The following ACSF3 variants were observed in gnomAD, a reference collection of about 807,000 sequenced individuals.
ACSF3 encodes the protein malonate--CoA ligase ACSF3, mitochondrial.
A neutral mutation model predicts 53.2 loss-of-function variants in ACSF3; 78 were observed. The observed-to-expected ratio is 1.47, with a 90% CI of 1.22 to 1.77. ACSF3 has a LOEUF of 1.77. ACSF3 is among the 40% of genes most tolerant of loss of function. The pLI, the probability that ACSF3 is intolerant of heterozygous loss-of-function variation, is 0.00. For missense variants in ACSF3, 937 were observed against 771.1 expected (o/e 1.22, Z -2.55); for synonymous variants, 414 against 333.1 (o/e 1.24, Z -2.65).
chr16:89,153,746 C>T (rs941557825), intron 10 of ACSF3: 14 of 373,870 alleles, frequency 3.7e-5, no homozygotes, highest in Admixed American at 2.7e-4. Flanking sequence ...AGCTCCAGTG[C>T]GGGGACTTGG....
intron 7 of ACSF3, among the ~76,000 whole-genome samples, chr16:89,121,241 C>T (rs1269499460): frequency 6.6e-6 from 1 of 152,244 alleles, no homozygotes; most frequent in Non-Finnish European, 1.5e-5. Context: ...ATGGCCTTGG[C>T]TAAGCGGAAG....
At chr16:89,118,103 A>C (rs1243405899) in intron 6 of ACSF3, among the ~76,000 whole-genome samples, 1 of 149,094 alleles carries the variant, frequency 6.7e-6, no homozygotes, top group African/African-American at 2.5e-5. Flanking sequence ...TCTCTAAGGC[A>C]GAGCCCACGG....
intron 8 of ACSF3, among the ~76,000 whole-genome samples, 158 bp downstream of exon 8, chr16:89,133,420 C>T (rs1467916343): frequency 6.6e-6 from 1 of 152,186 alleles, no homozygotes; most frequent in African/African-American, 2.4e-5. Context: ...TGTTACGGCA[C>T]TGCCTCCTGA....
chr16:89,129,338 T>C (rs1044016167), intron 7 of ACSF3, among the ~76,000 whole-genome samples: 1 of 152,234 alleles, frequency 6.6e-6, no homozygotes, highest in African/African-American at 2.4e-5. Flanking sequence ...ACATTTATAA[T>C]GATTGTGTCT....
intron 5 of ACSF3, chr16:89,113,932 C>A (rs973494740): frequency 5.9e-6 from 2 of 337,964 alleles, no homozygotes; most frequent in Non-Finnish European, 1.2e-5. Context: ...ATGTGCCTGG[C>A]CGCAGCCTGC....
chr16:89,145,791 C>T (rs868384374), intron 9 of ACSF3, 147 bp from the exon 10 acceptor site: 11 of 791,654 alleles, frequency 1.4e-5, no homozygotes, highest in East Asian at 1.2e-4. Flanking sequence ...CAGCCAGCAC[C>T]AGGACGAGTG....
chr16:89,144,820 G>A (rs547731607), intron 8 of ACSF3, among the ~76,000 whole-genome samples: 2 of 152,326 alleles, frequency 1.3e-5, no homozygotes, highest in Admixed American at 6.5e-5. Flanking sequence ...CTCAGAAAAG[G>A]CCACGCATCC....
chr16:89,110,738 G>A (rs535656235), intron 4 of ACSF3, among the ~76,000 whole-genome samples: 1 of 152,360 alleles, frequency 6.6e-6, no homozygotes, highest in South Asian at 2.1e-4. Flanking sequence ...CTGGAGCTCA[G>A]TGTGGGAAGA....
intron 7 of ACSF3, among the ~76,000 whole-genome samples, chr16:89,123,572 A>G (rs1907189555): frequency 6.6e-6 from 1 of 152,166 alleles, no homozygotes; most frequent in Admixed American, 6.5e-5. Context: ...GTCCCTCCCC[A>G]GAAGGTCTCC....
At chr16:89,133,373 A>G (rs1479728703) in intron 8 of ACSF3, 111 bp downstream of exon 8, 2 of 1,466,802 alleles carry the variant, frequency 1.4e-6, no homozygotes, top group Admixed American at 1.8e-5. Flanking sequence ...TTTTCAGCCA[A>G]AGGCAGAAGA....
At chr16:89,119,041 C>T (rs1167761752) in intron 6 of ACSF3, among the ~76,000 whole-genome samples, 3 of 151,558 alleles carry the variant, frequency 2.0e-5, no homozygotes, top group African/African-American at 7.3e-5. Flanking sequence ...AGTGTGGGGG[C>T]CCCTGCCTCA....
At chr16:89,140,741 T>C (rs1056915306) in intron 8 of ACSF3, among the ~76,000 whole-genome samples, 5 of 152,108 alleles carry the variant, frequency 3.3e-5, no homozygotes, top group African/African-American at 1.2e-4. Flanking sequence ...AAGTTCTCGC[T>C]GGGGGACTGG....
intron 2 of ACSF3, among the ~76,000 whole-genome samples, 195 bp downstream of exon 2, chr16:89,098,958 C>T (rs1024361215): frequency 5.9e-5 from 9 of 152,260 alleles, no homozygotes; most frequent in African/African-American, 2.4e-5. Flanking sequence ...AACTTGACTA[C>T]GCTTCGGCCA....
Position 89,155,350 on chromosome 16 carries a change from C to G in ACSF3, c.*1143C>G, listed in dbSNP as rs938450513. 2.2e-6 allele frequency: 1 copy of G among 451,430 alleles called. No homozygotes were observed. Among genetic ancestry groups the G allele is most frequent in the African/African-American group, 2.0e-5 (1 of 49,860 alleles). 28.0% of individuals were successfully genotyped at this position (451,430 alleles called of 1,614,324 possible). On this transcript the variant is annotated 3_prime_UTR_variant, in exon 11 of 11. Transcript: ENST00000614302. ...GGCAGGAGGCCAGCCCCATCTCAGGCTCACGTGCCTCTGACAGGAGACCAG... is the reference window on the plus strand; with the variant it reads ...GGCAGGAGGCCAGCCCCATCTCAGGGTCACGTGCCTCTGACAGGAGACCAG...
intron 4 of ACSF3, among the ~76,000 whole-genome samples, chr16:89,110,407 CT>C (rs926075543): frequency 6.6e-6 from 1 of 152,158 alleles, no homozygotes; most frequent in African/African-American, 2.4e-5. Flanking sequence ...AAAGATTATC[CT>C]TTTGTCCTTT....
rs569688994 is a variant in ACSF3, at chr16:89,154,854, C to T, written c.*647C>T. Reference sequence around the variant, plus strand: ...GCATGTGTCACAGAAAGTGCGTGGACGGATGGCCCCGGAGCTGCTCTGCCG... The same window carrying T: ...GCATGTGTCACAGAAAGTGCGTGGATGGATGGCCCCGGAGCTGCTCTGCCG... On this transcript the variant is annotated 3_prime_UTR_variant, in exon 11 of 11. Coordinates refer to ENST00000614302, the MANE Select transcript of ACSF3 (RefSeq NM_001243279.3). The T allele has an allele frequency of 1.6e-4, 73 of 454,136 alleles. No homozygotes were observed. The highest frequency in any genetic ancestry group is 7.6e-4 in the African/African-American group (38 of 50,126). 28.1% of individuals were successfully genotyped at this position (454,136 alleles called of 1,614,324 possible).
chr16:89,122,454 C>CA (rs1217824779), intron 7 of ACSF3: 6 of 442,248 alleles, frequency 1.4e-5, no homozygotes, highest in African/African-American at 1.2e-4. Flanking sequence ...CTGCTGGCCA[C>CA]ACCCCACATC....
intron 7 of ACSF3, among the ~76,000 whole-genome samples, chr16:89,125,940 C>G (rs769696423): frequency 6.6e-6 from 1 of 151,824 alleles, no homozygotes; most frequent in Non-Finnish European, 1.5e-5. Context: ...TACGTAGATC[C>G]GTGAACACGG....
intron 8 of ACSF3, among the ~76,000 whole-genome samples, chr16:89,138,111 C>T (rs1317811581): frequency 6.6e-6 from 1 of 152,180 alleles, no homozygotes; most frequent in Non-Finnish European, 1.5e-5. Context: ...CCCTGTGGCG[C>T]CAGAGCTCCC....
Sources: allele counts gnomAD v4.1 joint callset (sites outside exome capture counted in the v4.1 genomes callset), GRCh38; gene constraint gnomAD v4.1.1; transcripts MANE v1.5; gene names NCBI Gene and HGNC (gene_info 2026-07-23, HGNC 2026-07-21).